The following MALRD1 variants were observed in gnomAD, a reference collection of about 807,000 sequenced individuals.
MALRD1 encodes the protein MAM and LDL receptor class A domain containing 1.
MALRD1 carries 247 observed loss-of-function variants against 242.1 expected under a neutral mutation model. That is an observed-to-expected ratio of 1.02 (90% confidence interval 0.92 to 1.13). MALRD1 has a LOEUF of 1.13. Among genes scored for constraint, MALRD1 ranks in the 50% most tolerant of loss-of-function variants. MALRD1 has a pLI of 0.00. For synonymous variants in MALRD1, 995 were observed against 866.6 expected, an observed-to-expected ratio of 1.15 and a Z score of -2.60; for missense variants, 2,989 against 2,533.1, an observed-to-expected ratio of 1.18 and a Z score of -3.86.
chr10:19,638,037 G>A (rs1181995063), intron 36 of MALRD1, among the ~76,000 whole-genome samples: 2 of 140,494 alleles, frequency 1.4e-5, no homozygotes, highest in Non-Finnish European at 3.0e-5. Context: ...GGAGGCAGGG[G>A]TTGCAGTGAG....
At chr10:19,196,581 C>T (rs1470919596) in intron 14 of MALRD1, among the ~76,000 whole-genome samples, 2 of 146,684 alleles carry the variant, frequency 1.4e-5, no homozygotes, top group African/African-American at 5.1e-5. Context: ...CTTTTTGTCA[C>T]TTAGATAATT....
At chr10:19,622,618 A>G (rs1839454796) in intron 36 of MALRD1, among the ~76,000 whole-genome samples, 2 of 151,024 alleles carry the variant, frequency 1.3e-5, no homozygotes, top group Non-Finnish European at 3.0e-5. Flanking sequence ...GTATGGAGAA[A>G]TGAGTGGAAC....
chr10:19,675,262 A>G (rs1166872323), intron 36 of MALRD1, among the ~76,000 whole-genome samples: 1 of 152,296 alleles, frequency 6.6e-6, no homozygotes, highest in South Asian at 2.1e-4. Context: ...TTGATAATAT[A>G]TAAACTGCCT....
intron 36 of MALRD1, among the ~76,000 whole-genome samples, chr10:19,624,032 G>T (rs2131630393): frequency 6.6e-6 from 1 of 152,246 alleles, no homozygotes; most frequent in Non-Finnish European, 1.5e-5. Flanking sequence ...TGATAGGAAA[G>T]ATATGAAGAA....
chr10:19,590,385 A>G (rs1422899775), intron 33 of MALRD1, among the ~76,000 whole-genome samples: 6 of 148,240 alleles, frequency 4.0e-5, no homozygotes, highest in East Asian at 3.9e-4. Flanking sequence ...CATATTTTAT[A>G]TATGTATATA....
chr10:19,585,342 A>G (rs1329531750), intron 33 of MALRD1, among the ~76,000 whole-genome samples: 1 of 151,846 alleles, frequency 6.6e-6, no homozygotes, highest in Non-Finnish European at 1.5e-5. Context: ...ACATTTTGGC[A>G]TGATTTTGCA....
At chr10:19,335,693 T>C (rs1843575901) in intron 24 of MALRD1, among the ~76,000 whole-genome samples, 1 of 152,132 alleles carries the variant, frequency 6.6e-6, no homozygotes, top group Non-Finnish European at 1.5e-5. Context: ...ATATCACAAC[T>C]CTGAGAAGGC....
At chr10:19,294,944 C>G (rs1434838923) in intron 21 of MALRD1, among the ~76,000 whole-genome samples, 1 of 151,928 alleles carries the variant, frequency 6.6e-6, no homozygotes, top group Admixed American at 6.6e-5. Context: ...TTTATATTGA[C>G]CATACTGTTT....
At chr10:19,061,915 A>G (rs1834833893) in intron 1 of MALRD1, among the ~76,000 whole-genome samples, 1 of 152,214 alleles carries the variant, frequency 6.6e-6, no homozygotes, top group African/African-American at 2.4e-5. Flanking sequence ...GCAACAAAAC[A>G]GATACATTGA....
chr10:19,382,623 A>G (rs1339664344), intron 26 of MALRD1, among the ~76,000 whole-genome samples: 1 of 152,078 alleles, frequency 6.6e-6, no homozygotes, highest in East Asian at 1.9e-4. Context: ...CCTGCTGTTT[A>G]ATTCAGATAA....
chr10:19,588,184 G>A (rs1837546801), intron 33 of MALRD1, among the ~76,000 whole-genome samples: 2 of 151,614 alleles, frequency 1.3e-5, no homozygotes, highest in Non-Finnish European at 2.9e-5. Context: ...TTTCTATATT[G>A]TTGATCTATG....
intron 19 of MALRD1, among the ~76,000 whole-genome samples, chr10:19,273,951 G>T (rs1336861208): frequency 6.6e-6 from 1 of 152,102 alleles, no homozygotes; most frequent in African/African-American, 2.4e-5. Flanking sequence ...ATACCCATTA[G>T]GATGGCCACT....
At chr10:19,315,786 A>T (rs550372461) in intron 21 of MALRD1, among the ~76,000 whole-genome samples, 1 of 142,922 alleles carries the variant, frequency 7.0e-6, no homozygotes, top group African/African-American at 2.5e-5. Flanking sequence ...TGTATGTATT[A>T]TATAATTTAT....
chr10:19,119,719 C>T (rs1836995462), intron 5 of MALRD1, among the ~76,000 whole-genome samples: 1 of 152,170 alleles, frequency 6.6e-6, no homozygotes, highest in African/African-American at 2.4e-5. Context: ...ACTATAATTT[C>T]TATTCTTGTG....
At chr10:19,216,953 A>T (rs969989944) in intron 18 of MALRD1, among the ~76,000 whole-genome samples, 6 of 114,790 alleles carry the variant, frequency 5.2e-5, no homozygotes, top group Admixed American at 1.0e-4. Flanking sequence ...CTCAAAAAAA[A>T]AAAAATAAAA....
At chr10:19,325,006 C>CTTTTTTTT (rs34290618) in intron 22 of MALRD1, among the ~76,000 whole-genome samples, 28 of 77,962 alleles carry the variant, frequency 3.6e-4, no homozygotes, top group Non-Finnish European at 4.8e-4. Context: ...TCAGTAGTTG[C>CTTTTTTTT]TTTTTTTTTT....
At chr10:19,515,798 G>A (rs894933420) in intron 31 of MALRD1, among the ~76,000 whole-genome samples, 9 of 151,996 alleles carry the variant, frequency 5.9e-5, no homozygotes, top group African/African-American at 2.2e-4. Context: ...TCAATCTCTT[G>A]ACCTCGTGAT....
chr10:19,643,377 C>T (rs568290158), intron 36 of MALRD1, among the ~76,000 whole-genome samples: 1 of 152,064 alleles, frequency 6.6e-6, no homozygotes, highest in African/African-American at 2.4e-5. Flanking sequence ...ACCTGGGAGG[C>T]GGAGGTTTCA....
chr10:19,379,977 T>A (rs972247224), intron 26 of MALRD1, among the ~76,000 whole-genome samples: 13 of 148,710 alleles, frequency 8.7e-5, no homozygotes, highest in Non-Finnish European at 1.5e-4. Context: ...TATTTAATTT[T>A]TTTTTTTTTT....
Sources: gnomAD v4.1 joint callset for allele counts (sites outside exome capture counted in the v4.1 genomes callset) on GRCh38, gnomAD v4.1.1 for gene constraint, MANE v1.5 for transcripts, NCBI Gene and HGNC (gene_info 2026-07-23, HGNC 2026-07-21) for gene names.